FAM110B: variants seen among roughly 807,000 people sequenced by gnomAD.
FAM110B encodes the protein protein FAM110B.
FAM110B carries 6 observed loss-of-function variants against 20.4 expected under a neutral mutation model. That is an observed-to-expected ratio of 0.29 (90% CI 0.16 to 0.58). The LOEUF (loss-of-function observed/expected upper bound fraction) is 0.58, where lower values mean the gene tolerates loss of function less well. Ranked by LOEUF, FAM110B falls within the 20% of genes least tolerant of loss-of-function variation. The pLI, the probability that FAM110B is intolerant of heterozygous loss-of-function variation, is 0.90. For synonymous variants in FAM110B, 226 were observed against 214.1 expected (o/e 1.06, Z -0.49); for missense variants, 434 against 498.2 (o/e 0.87, Z 1.23).
chr8:58,106,795 A>T (rs1806929188), intron 3 of FAM110B, among the ~76,000 whole-genome samples: 1 of 152,254 alleles, frequency 6.6e-6, no homozygotes. Context: ...GATGAGATGA[A>T]GTCACACACC....
At chr8:58,111,362 ATTTTCTGTT>A in intron 3 of FAM110B, among the ~76,000 whole-genome samples, 1 of 152,270 alleles carries the variant, frequency 6.6e-6, no homozygotes, top group East Asian at 1.9e-4. Flanking sequence ...TTAAAATTTC[ATTTTCTGTT>A]TTTTAAACTC....
intron 3 of FAM110B, among the ~76,000 whole-genome samples, chr8:58,123,424 G>A (rs902031001): frequency 1.3e-5 from 2 of 152,120 alleles, no homozygotes; most frequent in Non-Finnish European, 2.9e-5. Context: ...TACACTTTGT[G>A]TCTCTCTTAT....
intron 1 of FAM110B, among the ~76,000 whole-genome samples, chr8:58,010,448 T>G (rs758342273): frequency 1.6e-4 from 24 of 152,158 alleles, no homozygotes; most frequent in Non-Finnish European, 2.8e-4. Context: ...GAGATCAGGT[T>G]TGGTCAGGTT....
At chr8:58,110,911 T>C (rs1351647613) in intron 3 of FAM110B, among the ~76,000 whole-genome samples, 2 of 152,188 alleles carry the variant, frequency 1.3e-5, no homozygotes, top group Non-Finnish European at 2.9e-5. Flanking sequence ...AAAGGTGTTA[T>C]AGGAGCATAG....
intron 2 of FAM110B, among the ~76,000 whole-genome samples, chr8:58,037,473 A>C (rs571801376): frequency 6.6e-6 from 1 of 150,454 alleles, no homozygotes; most frequent in African/African-American, 2.4e-5. Flanking sequence ...AGTCTCCACA[A>C]AAAAAAAAAT....
intron 3 of FAM110B, among the ~76,000 whole-genome samples, chr8:58,092,688 C>T (rs566295779): frequency 2.6e-5 from 4 of 152,162 alleles, no homozygotes; most frequent in East Asian, 3.9e-4. Context: ...CTATTGTGAA[C>T]GTGGTTGCAA....
chr8:58,075,128 CAG>C lies in FAM110B; in HGVS notation c.-413-404_-413-403del, dbSNP rs112315542. ...GTTTCTATTTTTATTATTTTTGAGACAGAGTCTCGCTCTGTCACCCAGGCTGG... is the reference window on the plus strand; with the variant it reads ...GTTTCTATTTTTATTATTTTTGAGACAGTCTCGCTCTGTCACCCAGGCTGG... On this transcript the variant is annotated intron_variant, in intron 2 of 3. Coordinates refer to ENST00000519262, the MANE Select transcript of FAM110B (RefSeq NM_001377989.1). 7.2e-3 allele frequency among the ~76,000 whole-genome samples: 1,095 copies of C among 151,654 alleles called. 20 individuals carry two copies. The highest frequency in any genetic ancestry group is 0.025 in the African/African-American group (1,035 of 41,332).
intron 2 of FAM110B, among the ~76,000 whole-genome samples, chr8:58,066,495 C>T (rs1407358491): frequency 6.6e-6 from 1 of 152,158 alleles, no homozygotes; most frequent in Non-Finnish European, 1.5e-5. Context: ...CAGTCTGTTC[C>T]AGGCCATCCA....
chr8:58,133,447 C>T (rs1167135541), intron 3 of FAM110B, among the ~76,000 whole-genome samples: 2 of 152,192 alleles, frequency 1.3e-5, no homozygotes, highest in African/African-American at 4.8e-5. Flanking sequence ...TCCGGTGTCC[C>T]ATCCTTGGGG....
intron 3 of FAM110B, among the ~76,000 whole-genome samples, chr8:58,120,244 C>T (rs1807324061): frequency 6.6e-6 from 1 of 152,230 alleles, no homozygotes; most frequent in African/African-American, 2.4e-5. Context: ...AGGAATCCCT[C>T]TTTATGTAGA....
intron 3 of FAM110B, among the ~76,000 whole-genome samples, chr8:58,116,216 GT>G (rs1807209085): frequency 6.6e-6 from 1 of 152,206 alleles, no homozygotes; most frequent in African/African-American, 2.4e-5. Flanking sequence ...GCATTAGCCT[GT>G]TAACTGTTTC....
intron 1 of FAM110B, among the ~76,000 whole-genome samples, chr8:58,024,427 C>A (rs903506722): frequency 2.0e-5 from 3 of 152,014 alleles, no homozygotes; most frequent in African/African-American, 4.8e-5. Context: ...TGATCCATAA[C>A]CAAAAAGGGA....
rs143826639 is a variant in FAM110B at position 58,071,298 on chromosome 8, G to A, written c.-413-4237G>A. Among the ~76,000 whole-genome samples the A allele has an allele frequency of 3.6e-3, 549 of 152,134 alleles. 3 individuals carry two copies. Among genetic ancestry groups the A allele is most frequent in the African/African-American group, 0.013 (528 of 41,506 alleles). On this transcript the variant is annotated intron_variant, in intron 2 of 3. Transcript: ENST00000519262. ...TAGTGTCGTATTTTATACCAAAAAC[G>A]CCTTTGTTTTTACTTATTCATCAAA...
chr8:58,070,873 A>G (rs1428918873), intron 2 of FAM110B, among the ~76,000 whole-genome samples: 4 of 152,212 alleles, frequency 2.6e-5, no homozygotes, highest in Non-Finnish European at 5.9e-5. Context: ...TGCAGCCTTC[A>G]TTTTGGATGG....
intron 3 of FAM110B, among the ~76,000 whole-genome samples, chr8:58,083,283 CAGA>C (rs1806249310): frequency 6.6e-6 from 1 of 152,052 alleles, no homozygotes; most frequent in Non-Finnish European, 1.5e-5. Context: ...GGAGAAGAAA[CAGA>C]AGAAACTGGG....
At chr8:58,078,597 C>CTGGA in intron 3 of FAM110B, among the ~76,000 whole-genome samples, 1 of 137,282 alleles carries the variant, frequency 7.3e-6, no homozygotes, top group Non-Finnish European at 1.5e-5. Context: ...GTCACCCAGG[C>CTGGA]TGGAGTGCAG....
At chr8:58,118,457 G>A (rs559351870) in intron 3 of FAM110B, among the ~76,000 whole-genome samples, 23 of 152,290 alleles carry the variant, frequency 1.5e-4, no homozygotes, top group Non-Finnish European at 3.2e-4. Context: ...CCAAATTTCC[G>A]GTTGGGTCTG....
intron 3 of FAM110B, among the ~76,000 whole-genome samples, chr8:58,095,030 T>C (rs1806585892): frequency 6.6e-6 from 1 of 152,232 alleles, no homozygotes; most frequent in South Asian, 2.1e-4. Context: ...TTCTTGTTTA[T>C]TTGCGTAGAG....
At chr8:58,132,275 C>T (rs180991725) in intron 3 of FAM110B, among the ~76,000 whole-genome samples, 2 of 152,258 alleles carry the variant, frequency 1.3e-5, no homozygotes, top group African/African-American at 2.4e-5. Flanking sequence ...TACTCCTAAC[C>T]GCGGCTTCTC....
Sources: allele counts gnomAD v4.1 joint callset (sites outside exome capture counted in the v4.1 genomes callset), GRCh38; gene constraint gnomAD v4.1.1; transcripts MANE v1.5; gene names NCBI Gene and HGNC (gene_info 2026-07-23, HGNC 2026-07-21).